GREM2: variants seen among roughly 807,000 people sequenced by gnomAD.
GREM2 encodes the protein gremlin 2, DAN family BMP antagonist.
GREM2 carries 11 observed loss-of-function variants against 14.2 expected under a neutral mutation model. That is an observed-to-expected ratio of 0.78 (90% CI 0.49 to 1.28). GREM2 has a LOEUF of 1.28. GREM2 is among the 50% of genes most tolerant of loss of function. The pLI, the probability that GREM2 is intolerant of heterozygous loss-of-function variation, is 0.00. For missense variants in GREM2, 210 were observed against 218.5 expected, an observed-to-expected ratio of 0.96 and a Z score of 0.24; for synonymous variants, 98 against 97.6, an observed-to-expected ratio of 1.00 and a Z score of -0.02.
intron 1 of GREM2, among the ~76,000 whole-genome samples, chr1:240,538,297 T>C (rs1042072787): frequency 6.6e-6 from 1 of 152,222 alleles, no homozygotes; most frequent in Non-Finnish European, 1.5e-5. Flanking sequence ...CCTTCGTGAT[T>C]GATTGCTTCT....
intron 1 of GREM2, among the ~76,000 whole-genome samples, chr1:240,559,950 G>T (rs899788956): frequency 6.6e-6 from 1 of 152,062 alleles, no homozygotes; most frequent in African/African-American, 2.4e-5. Context: ...CGGTGTTTCC[G>T]TGTGCAGCAG....
chr1:240,582,148 T>C (rs571736902), intron 1 of GREM2, among the ~76,000 whole-genome samples: 5 of 152,176 alleles, frequency 3.3e-5, no homozygotes, highest in African/African-American at 1.2e-4. Context: ...ATTAGAAGAG[T>C]TTAGGATGGC....
At chr1:240,501,439 A>T (rs922971902) in intron 1 of GREM2, among the ~76,000 whole-genome samples, 1 of 152,226 alleles carries the variant, frequency 6.6e-6, no homozygotes, top group Non-Finnish European at 1.5e-5. Context: ...ACAGAGAAGA[A>T]ATGATACTAT....
At chr1:240,521,704 C>T (rs919229548) in intron 1 of GREM2, among the ~76,000 whole-genome samples, 6 of 152,156 alleles carry the variant, frequency 3.9e-5, no homozygotes, top group African/African-American at 9.7e-5. Flanking sequence ...TGCCTGGGGT[C>T]GCCCATATTG....
intron 1 of GREM2, among the ~76,000 whole-genome samples, chr1:240,515,728 C>A (rs114776860): frequency 0.021 from 3,205 of 152,106 alleles, 105 homozygotes; most frequent in African/African-American, 0.074. Flanking sequence ...AGGCTGTGTT[C>A]CAGAGAGGGC....
chr1:240,534,344 G>A (rs1678427643), intron 1 of GREM2, among the ~76,000 whole-genome samples: 1 of 152,204 alleles, frequency 6.6e-6, no homozygotes, highest in African/African-American at 2.4e-5. Context: ...TGTCAATTAT[G>A]AGGAACCCTG....
chr1:240,570,895 T>C (rs2103363043), intron 1 of GREM2, among the ~76,000 whole-genome samples: 1 of 152,356 alleles, frequency 6.6e-6, no homozygotes, highest in Middle Eastern at 3.4e-3. Flanking sequence ...CTGCTTACCT[T>C]GTGGGCTGGA....
chr1:240,590,999 C>T (rs1038209289), intron 1 of GREM2, among the ~76,000 whole-genome samples: 1 of 151,858 alleles, frequency 6.6e-6, no homozygotes, highest in Non-Finnish European at 1.5e-5. Context: ...CCAGGCTGGT[C>T]TCAAATGCCT....
chr1:240,548,106 T>C (rs973632413), intron 1 of GREM2, among the ~76,000 whole-genome samples: 1 of 111,478 alleles, frequency 9.0e-6, no homozygotes, highest in African/African-American at 4.2e-5. Flanking sequence ...AACTAAAAAT[T>C]TAAAAAAAAA....
intron 1 of GREM2, among the ~76,000 whole-genome samples, chr1:240,559,544 AT>A (rs1679004483): frequency 6.6e-6 from 1 of 151,992 alleles, no homozygotes; most frequent in Admixed American, 6.6e-5. Context: ...GGATTTCGCC[AT>A]GTTGACCAGG....
intron 1 of GREM2, among the ~76,000 whole-genome samples, chr1:240,495,502 TTTA>T (rs1269576195): frequency 6.6e-6 from 1 of 152,228 alleles, no homozygotes; most frequent in African/African-American, 2.4e-5. Context: ...ATAGCAAATA[TTTA>T]TTGATTCTCA....
At chr1:240,496,785 G>A (rs984151462) in intron 1 of GREM2, among the ~76,000 whole-genome samples, 18 of 152,068 alleles carry the variant, frequency 1.2e-4, no homozygotes, top group African/African-American at 3.9e-4. Context: ...CAAGGTGGGC[G>A]GATCCCCTGA....
At chr1:240,581,032 C>T (rs1679472834) in intron 1 of GREM2, among the ~76,000 whole-genome samples, 1 of 151,998 alleles carries the variant, frequency 6.6e-6, no homozygotes, top group Non-Finnish European at 1.5e-5. Flanking sequence ...GGTAGATCAC[C>T]TGAGGTCAAA....
intron 1 of GREM2, among the ~76,000 whole-genome samples, chr1:240,509,790 G>T (rs545163846): frequency 1.1e-4 from 16 of 152,128 alleles, no homozygotes; most frequent in Non-Finnish European, 2.9e-5. Context: ...CTGTAGGCAG[G>T]CATCTGTTAT....
At chr1:240,516,740 G>GGGTT (rs1677964907) in intron 1 of GREM2, among the ~76,000 whole-genome samples, 2 of 152,124 alleles carry the variant, frequency 1.3e-5, no homozygotes, top group African/African-American at 4.8e-5. Context: ...GAAAATTTCA[G>GGGTT]GGTTTTAGAG....
At chr1:240,546,341 T>TAA (rs10610583) in intron 1 of GREM2, among the ~76,000 whole-genome samples, 1 of 146,228 alleles carries the variant, frequency 6.8e-6, no homozygotes, top group Non-Finnish European at 1.5e-5. Flanking sequence ...AGACTCAGTC[T>TAA]AAAAAAAAAA....
intron 1 of GREM2, among the ~76,000 whole-genome samples, chr1:240,504,863 A>T (rs993108757): frequency 3.9e-5 from 6 of 152,202 alleles, no homozygotes; most frequent in Admixed American, 2.0e-4. Flanking sequence ...AAGAAAATAC[A>T]TTGTATTATA....
intron 1 of GREM2, among the ~76,000 whole-genome samples, chr1:240,523,359 C>A (rs1678145608): frequency 6.6e-6 from 1 of 152,210 alleles, no homozygotes; most frequent in Non-Finnish European, 1.5e-5. Context: ...AAGGGGCTGT[C>A]AAGTACATTG....
intron 1 of GREM2, among the ~76,000 whole-genome samples, chr1:240,574,166 C>T (rs918172401): frequency 2.6e-5 from 4 of 151,986 alleles, no homozygotes; most frequent in African/African-American, 4.8e-5. Context: ...GTGATCTGCC[C>T]GCCTCGGCCT....
Sources: gnomAD v4.1 joint callset for allele counts (sites outside exome capture counted in the v4.1 genomes callset) on GRCh38, gnomAD v4.1.1 for gene constraint, MANE v1.5 for transcripts, NCBI Gene and HGNC (gene_info 2026-07-23, HGNC 2026-07-21) for gene names.